OPCML: variants seen among roughly 807,000 people sequenced by gnomAD.
OPCML encodes opioid-binding protein/cell adhesion molecule.
In OPCML, 13 loss-of-function variants were observed where a neutral mutation model predicts 37.8. That is an observed-to-expected ratio of 0.34 (90% CI 0.22 to 0.55). OPCML has a LOEUF of 0.55. Among genes scored for constraint, OPCML ranks in the 20% least tolerant of loss-of-function variants. The probability of loss-of-function intolerance (pLI) is 0.91; values close to 1 mark genes in which losing one functional copy is unlikely to be tolerated. For synonymous variants in OPCML, 176 were observed against 168.8 expected (o/e 1.04, Z -0.33); for missense variants, 341 against 435.6 (o/e 0.78, Z 1.93).
chr11:132,530,185 A>G (rs10894574), intron 3 of OPCML, among the ~76,000 whole-genome samples: 41,808 of 151,988 alleles, frequency 0.28, 5,829 homozygotes, highest in Middle Eastern at 0.42. Flanking sequence ...CAGAAAAAAC[A>G]TATTTCACAA....
chr11:132,471,530 C>A (rs968842040), intron 4 of OPCML, among the ~76,000 whole-genome samples: 1 of 152,154 alleles, frequency 6.6e-6, no homozygotes, highest in Admixed American at 6.5e-5. Flanking sequence ...TTGCTTGGGG[C>A]TGGAGGACCT....
At chr11:133,100,528 A>G (rs1949070439) in intron 1 of OPCML, among the ~76,000 whole-genome samples, 1 of 152,178 alleles carries the variant, frequency 6.6e-6, no homozygotes, top group Non-Finnish European at 1.5e-5. Flanking sequence ...GAAGGAGAAA[A>G]ACAAAGTTGG....
chr11:132,643,518 CG>C (rs1565739136), intron 3 of OPCML, among the ~76,000 whole-genome samples: 2 of 152,186 alleles, frequency 1.3e-5, no homozygotes, highest in African/African-American at 4.8e-5. Flanking sequence ...CACCAAGCCA[CG>C]GGCGAGGCTC....
chr11:132,905,143 TA>T (rs1275024112), intron 2 of OPCML, among the ~76,000 whole-genome samples: 8 of 151,830 alleles, frequency 5.3e-5, no homozygotes, highest in African/African-American at 1.7e-4. Flanking sequence ...ATTTTATAAT[TA>T]ATGAGGCTCA....
chr11:132,418,607 T>C lies in OPCML; in HGVS notation c.*1586A>G, dbSNP rs1031368361. The C allele has an allele frequency of 3.9e-5, 6 of 152,602 alleles. No individual in the cohort carries two copies. The highest frequency in any genetic ancestry group is 6.5e-5 in the Admixed American group (1 of 15,268). 9.5% of individuals were successfully genotyped at this position (152,602 alleles called of 1,614,324 possible). On this transcript the variant is annotated 3_prime_UTR_variant, in exon 8 of 8. Coordinates refer to ENST00000524381, the MANE Select transcript of OPCML (RefSeq NM_001012393.5). ...GCTTAGAAGAGCTTCCTGAAACAAA[T>C]ACCAGAGTTGTCAATACACCCGCCA...
At position 133,141,051 on chromosome 11, in the gene OPCML, A is replaced by AGACGAAGACGAAGACGAAGACGAAGAC. The variant is rs1475412006; in HGVS notation, c.62-198042_62-198041insGTCTTCGTCTTCGTCTTCGTCTTCGTC. Among the ~76,000 whole-genome samples, 28 of 53,694 alleles carry AGACGAAGACGAAGACGAAGACGAAGAC rather than the reference A, an allele frequency of 5.2e-4. 3 individuals are homozygous for AGACGAAGACGAAGACGAAGACGAAGAC. The highest frequency in any genetic ancestry group is 1.4e-3 in the African/African-American group (26 of 18,326). The allele number at this position is 53,694 out of a possible 152,430, so 35.2% of individuals were successfully genotyped here. A position where few individuals can be genotyped will look rare whatever the true frequency, so the allele number is the denominator to read the frequency against. On this transcript the variant is annotated intron_variant, in intron 1 of 7. Coordinates refer to ENST00000524381, the MANE Select transcript of OPCML (RefSeq NM_001012393.5). ...ACGACGACGACGACGACGACGACGAAGAAGAAGAAGAAGAAGAAGAAGAAG... is the reference window on the plus strand; with the variant it reads ...ACGACGACGACGACGACGACGACGAAGACGAAGACGAAGACGAAGACGAAGACGAAGAAGAAGAAGAAGAAGAAGAAG...
At chr11:132,664,105 T>A (rs940271935) in intron 2 of OPCML, among the ~76,000 whole-genome samples, 2 of 152,222 alleles carry the variant, frequency 1.3e-5, no homozygotes, top group Non-Finnish European at 2.9e-5. Flanking sequence ...GTGGATTTAA[T>A]TTTAATAAAA....
At chr11:133,338,405 C>T (rs529774598) in intron 1 of OPCML, among the ~76,000 whole-genome samples, 1 of 152,290 alleles carries the variant, frequency 6.6e-6, no homozygotes, top group Admixed American at 6.5e-5. Flanking sequence ...GGATACCATG[C>T]TGCAGACGAA....
intron 4 of OPCML, among the ~76,000 whole-genome samples, chr11:132,527,355 T>C (rs2096311212): frequency 6.6e-6 from 1 of 152,200 alleles, no homozygotes; most frequent in Admixed American, 6.6e-5. Context: ...AGAGTTAATA[T>C]ATAAAGCTTC....
chr11:132,532,043 A>G (rs544294459), intron 3 of OPCML, among the ~76,000 whole-genome samples: 10 of 152,242 alleles, frequency 6.6e-5, no homozygotes, highest in Non-Finnish European at 1.0e-4. Context: ...CACAGCCACC[A>G]ACTCAGAACT....
chr11:132,912,308 G>A (rs907754965), intron 2 of OPCML, among the ~76,000 whole-genome samples: 1 of 152,214 alleles, frequency 6.6e-6, no homozygotes, highest in East Asian at 1.9e-4. Flanking sequence ...AAATTCAATA[G>A]GTGACCAAGA....
intron 1 of OPCML, among the ~76,000 whole-genome samples, chr11:133,228,647 G>A (rs1472954217): frequency 1.3e-5 from 2 of 152,222 alleles, no homozygotes; most frequent in African/African-American, 2.4e-5. Flanking sequence ...CGCTTGGGCT[G>A]CCCCTCCTAC....
intron 1 of OPCML, among the ~76,000 whole-genome samples, chr11:133,500,425 C>T (rs896021670): frequency 1.3e-5 from 2 of 152,194 alleles, no homozygotes; most frequent in Non-Finnish European, 2.9e-5. Flanking sequence ...CTATTAAAAA[C>T]AGAGGGTGTT....
chr11:132,601,158 A>G (rs1937862385), intron 3 of OPCML, among the ~76,000 whole-genome samples: 2 of 152,162 alleles, frequency 1.3e-5, no homozygotes, highest in South Asian at 4.1e-4. Flanking sequence ...CTGTAGCACC[A>G]ACAACTCTCT....
chr11:133,253,690 A>T (rs1315064790), intron 1 of OPCML, among the ~76,000 whole-genome samples: 5 of 152,234 alleles, frequency 3.3e-5, no homozygotes, highest in African/African-American at 7.2e-5. Flanking sequence ...CTATTATATC[A>T]CTTAAAATGA....
chr11:133,314,372 T>C (rs181265041), intron 1 of OPCML, among the ~76,000 whole-genome samples: 61 of 151,770 alleles, frequency 4.0e-4, no homozygotes, highest in African/African-American at 1.4e-3. Flanking sequence ...ATGTCAAAAT[T>C]AGACAATTTG....
chr11:132,558,227 C>T (rs2096400364), intron 3 of OPCML, among the ~76,000 whole-genome samples: 1 of 151,684 alleles, frequency 6.6e-6, no homozygotes, highest in Non-Finnish European at 1.5e-5. Flanking sequence ...TCTTTTTCTT[C>T]TTCCTCTTTT....
At chr11:132,927,394 T>C (rs1472816724) in intron 2 of OPCML, among the ~76,000 whole-genome samples, 1 of 152,286 alleles carries the variant, frequency 6.6e-6, no homozygotes, top group South Asian at 2.1e-4. Context: ...GTGGATTTTA[T>C]ACTTAATGTG....
At chr11:133,406,350 G>C (rs1468984394) in intron 1 of OPCML, among the ~76,000 whole-genome samples, 3 of 152,026 alleles carry the variant, frequency 2.0e-5, no homozygotes, top group Non-Finnish European at 4.4e-5. Flanking sequence ...CAGACCATGA[G>C]ACCATTCTCC....
Sources: allele counts gnomAD v4.1 joint callset (sites outside exome capture counted in the v4.1 genomes callset), GRCh38; gene constraint gnomAD v4.1.1; transcripts MANE v1.5; gene names NCBI Gene and HGNC (gene_info 2026-07-23, HGNC 2026-07-21).